Variants in LRRC74A observed in about 807,000 individuals in gnomAD.
LRRC74A encodes leucine-rich repeat-containing protein 74A.
LRRC74A carries 44 observed loss-of-function variants against 57.9 expected under a neutral mutation model. The ratio of observed to expected loss-of-function variants is 0.76; its 90% CI spans 0.60 to 0.98. The LOEUF (loss-of-function observed/expected upper bound fraction) is 0.98, where lower values mean the gene tolerates loss of function less well. LRRC74A is among the 50% of genes least tolerant of loss of function. The pLI is 0.00. For missense variants in LRRC74A, 572 were observed against 574.0 expected (o/e 1.00, Z 0.04); for synonymous variants, 211 against 219.4 (o/e 0.96, Z 0.34).
intron 1 of LRRC74A, among the ~76,000 whole-genome samples, chr14:76,827,548 A>G (rs1895659945): frequency 1.3e-5 from 2 of 152,188 alleles, no homozygotes; most frequent in Admixed American, 1.3e-4. Flanking sequence ...TCAGGAGCCT[A>G]TGGCTGATCC....
In LRRC74A at chr14:76,867,361, C is replaced by T; in HGVS notation, c.1314C>T (p.Asn438=). The T allele has an allele frequency of 6.4e-7, 1 of 1,562,012 alleles. No individual in the cohort carries two copies. The highest frequency in any genetic ancestry group is 8.8e-7 in the Non-Finnish European group (1 of 1,134,554). The change falls in exon 13 of 14, where the codon AAC becomes AAT. Residue 438 remains asparagine, a synonymous_variant. Transcript: ENST00000689127. ...TGTTCCATCCACCTCCTCAGCAAAA[C>T]AAGGTCCCCCTGAACCAGTACCAGG... ...DEFQKVMIEQ[N]KVPLNQYQVR... is the part of the protein sequence containing the mutation.
chr14:76,845,120 T>G (rs975464150), intron 7 of LRRC74A, among the ~76,000 whole-genome samples: 2 of 152,122 alleles, frequency 1.3e-5, no homozygotes, highest in African/African-American at 4.8e-5. Flanking sequence ...GCCCAGGAGT[T>G]CAAGATCACC....
intron 7 of LRRC74A, among the ~76,000 whole-genome samples, chr14:76,845,260 G>A (rs1897046784): frequency 6.6e-6 from 1 of 151,956 alleles, no homozygotes; most frequent in Non-Finnish European, 1.5e-5. Flanking sequence ...GGAAGTAGAG[G>A]CTGCAGTGAG....
In LRRC74A at chr14:76,844,823, A is replaced by C; in HGVS notation, c.598A>C (p.Asn200His). 6.5e-7 allele frequency: 1 copy of C among 1,544,780 alleles called. No homozygotes were observed. Among genetic ancestry groups the C allele is most frequent in the South Asian group, 1.1e-5 (1 of 89,498 alleles). ...AALLCQALST[N>H]YQIKKLDLSH... Reference sequence around the variant, plus strand: ...TTTCCCCTGTTTGTTTCTGTAGACCAATTACCAAATTAAAAAGCTGGATCT... The same window carrying C: ...TTTCCCCTGTTTGTTTCTGTAGACCCATTACCAAATTAAAAAGCTGGATCT... The change falls in exon 7 of 14, where the codon AAT becomes CAT. Residue 200 changes from asparagine to histidine, a missense_variant. Physicochemically the swap from Asn to His is moderately conservative, Grantham distance 68 (BLOSUM62 1). Transcript: ENST00000689127.
Position 76,828,273 on chromosome 14 carries a change from A to G in LRRC74A, c.38-18A>G. The G allele has an allele frequency of 6.4e-7, 1 of 1,574,436 alleles. No homozygotes were observed. ...AAGTTTTATTCCTGGCATCAAGGAG[A>G]TGAGTTTTTTCTTCCAGATGAGATT... is the stretch of plus-strand genomic sequence containing the variant. On this transcript the variant is annotated intron_variant, in intron 1 of 13. Coordinates refer to ENST00000689127, the MANE Select transcript of LRRC74A (RefSeq NM_001385106.1).
intron 3 of LRRC74A, among the ~76,000 whole-genome samples, chr14:76,834,117 A>G (rs1384183828): frequency 6.6e-6 from 1 of 152,244 alleles, no homozygotes; most frequent in East Asian, 1.9e-4. Context: ...TTAAACATAT[A>G]ACAGCATTTG....
At chr14:76,843,241 C>CCACTG (rs1359173301) in intron 5 of LRRC74A, among the ~76,000 whole-genome samples, 1 of 146,518 alleles carries the variant, frequency 6.8e-6, no homozygotes, top group East Asian at 2.0e-4. Flanking sequence ...CGAGATCACG[C>CCACTG]CACTGCACTG....
chr14:76,827,346 A>C (rs1595332740), intron 1 of LRRC74A, among the ~76,000 whole-genome samples: 1 of 152,102 alleles, frequency 6.6e-6, no homozygotes, highest in Non-Finnish European at 1.5e-5. Flanking sequence ...TAGGAACCCC[A>C]CCATCCTAGA....
At position 76,837,964 on chromosome 14, in the gene LRRC74A, G is replaced by A. The variant is rs764191095; in HGVS notation, c.537G>A (p.Glu179=). 1.9e-6 allele frequency: 3 copies of A among 1,565,926 alleles called. No homozygotes were observed. Among genetic ancestry groups the A allele is most frequent in the Admixed American group, 1.9e-5 (1 of 53,700 alleles). ...ERNSSSIWSL[E]LSGNDFKEDS... ...ACAGTTCTTCTATCTGGAGCCTTGA[G>A]CTTTCAGGTGAGCACATGGAAAGGG... Residue 179 remains glutamate, a synonymous_variant, in exon 5 of 14, where the codon GAG becomes GAA. Coordinates refer to ENST00000689127, the MANE Select transcript of LRRC74A (RefSeq NM_001385106.1).
intron 6 of LRRC74A, 111 bp downstream of exon 6, chr14:76,844,583 A>G: frequency 1.7e-6 from 2 of 1,157,210 alleles, no homozygotes; most frequent in South Asian, 1.4e-5. Flanking sequence ...CATGTTAGGG[A>G]CTGGGGAGTG....
intron 7 of LRRC74A, among the ~76,000 whole-genome samples, chr14:76,851,933 G>A (rs1254625359): frequency 1.3e-5 from 2 of 152,078 alleles, no homozygotes; most frequent in Non-Finnish European, 2.9e-5. Flanking sequence ...CAAAGTGCTG[G>A]GATTACAGGT....
At chr14:76,836,966 C>T (rs1466707999) in intron 4 of LRRC74A, among the ~76,000 whole-genome samples, 2 of 151,922 alleles carry the variant, frequency 1.3e-5, no homozygotes, top group African/African-American at 4.8e-5. Context: ...CATGGTGGAA[C>T]CCCGCCTCTA....
rs1896478762 is a variant in LRRC74A, at chr14:76,837,919, C to T, written c.492C>T (p.Ile164=). ...NHLGLEGARI[I]SDFFERNSSS... is the part of the protein sequence containing the mutation. ...TTGGTTTGGAGGGGGCCAGAATCAT[C>T]TCAGATTTCTTTGAGAGAAACAGTT... The change falls in exon 5 of 14, where the codon ATC becomes ATT. Residue 164 remains isoleucine, a synonymous_variant. Transcript: ENST00000689127. 6.3e-7 allele frequency: 1 copy of T among 1,592,078 alleles called. No homozygotes were observed. The highest frequency in any genetic ancestry group is 1.1e-5 in the South Asian group (1 of 87,418).
chr14:76,858,683 G>A (rs932712676), intron 10 of LRRC74A, among the ~76,000 whole-genome samples: 25 of 152,192 alleles, frequency 1.6e-4, no homozygotes, highest in African/African-American at 5.8e-4. Context: ...CCGCCTCCTG[G>A]GTTCAAGCAG....
At position 76,844,472 on chromosome 14, in the gene LRRC74A, G is replaced by T; in HGVS notation, c.594G>T (p.Ser198=). The T allele has an allele frequency of 6.2e-7, 1 of 1,611,676 alleles. No individual in the cohort carries two copies. The highest frequency in any genetic ancestry group is 2.2e-5 in the East Asian group (1 of 44,794). The change falls in exon 6 of 14, where the codon TCG becomes TCT. Residue 198 remains serine (S), a splice_region_variant and synonymous_variant. Transcript: ENST00000689127. Reference sequence around the variant, plus strand: ...CAGCACTGCTCTGCCAAGCCCTGTCGGTAAGAGGCAGGGAGTGCAGCCAAG... The same window carrying T: ...CAGCACTGCTCTGCCAAGCCCTGTCTGTAAGAGGCAGGGAGTGCAGCCAAG... ...DSAALLCQAL[S]TNYQIKKLDL... is the part of the protein sequence containing the mutation.
intron 3 of LRRC74A, among the ~76,000 whole-genome samples, chr14:76,834,961 T>C (rs915988294): frequency 1.3e-5 from 2 of 152,158 alleles, no homozygotes; most frequent in African/African-American, 4.8e-5. Flanking sequence ...CTATCACATT[T>C]TCCTTTTTCA....
chr14:76,858,124 T>C (rs1386023224), intron 10 of LRRC74A, among the ~76,000 whole-genome samples: 1 of 152,226 alleles, frequency 6.6e-6, no homozygotes, highest in Non-Finnish European at 1.5e-5. Flanking sequence ...GGTAGAATAC[T>C]GTATTAATTT....
intron 11 of LRRC74A, among the ~76,000 whole-genome samples, chr14:76,862,735 G>A (rs12432968): frequency 0.77 from 116,308 of 151,892 alleles, 47,480 homozygotes; most frequent in Middle Eastern, 0.9. Flanking sequence ...GTGTTCCGGC[G>A]AGAGGCTCCT....
chr14:76,865,000 C>A (rs1235716701), intron 11 of LRRC74A, among the ~76,000 whole-genome samples: 1 of 152,182 alleles, frequency 6.6e-6, no homozygotes, highest in Non-Finnish European at 1.5e-5. Context: ...AGAAGTTAGA[C>A]AGATTGATGT....
Sources: allele counts gnomAD v4.1 joint callset (sites outside exome capture counted in the v4.1 genomes callset), GRCh38; gene constraint gnomAD v4.1.1; transcripts MANE v1.5; gene names NCBI Gene and HGNC (gene_info 2026-07-23, HGNC 2026-07-21).